PCDHA13: variants seen among roughly 807,000 people sequenced by gnomAD.
PCDHA13 encodes the protein protocadherin alpha 13.
Under a neutral mutation model 64.8 loss-of-function variants are expected in PCDHA13, and 54 were observed. That is an observed-to-expected ratio of 0.83 (90% confidence interval 0.67 to 1.04). The LOEUF (loss-of-function observed/expected upper bound fraction) is 1.04. Among genes scored for constraint, PCDHA13 ranks in the 50% least tolerant of loss-of-function variants. The pLI is 0.00. For synonymous variants in PCDHA13, 587 were observed against 564.4 expected (o/e 1.04, Z -0.57); for missense variants, 1,248 against 1,254.3 (o/e 0.99, Z 0.08).
chr5:140,967,955 A>C (rs1422637534), intron 1 of PCDHA13: 5 of 1,614,078 alleles, frequency 3.1e-6, no homozygotes, highest in Non-Finnish European at 4.2e-6. Flanking sequence ...CTCAGGCCCC[A>C]ACCGGAAAGT....
intron 1 of PCDHA13, among the ~76,000 whole-genome samples, chr5:140,937,827 G>A (rs1328688983): frequency 2.6e-5 from 4 of 151,564 alleles, no homozygotes; most frequent in Non-Finnish European, 5.9e-5. Context: ...CAGGAGAATG[G>A]CATGAACCTG....
intron 1 of PCDHA13, chr5:140,967,079 A>T: frequency 1.2e-6 from 2 of 1,613,252 alleles, no homozygotes; most frequent in South Asian, 2.2e-5. Flanking sequence ...CAACGAGCGC[A>T]TTGATCGGGA....
intron 1 of PCDHA13, among the ~76,000 whole-genome samples, chr5:140,905,904 C>T (rs2072197856): frequency 6.6e-6 from 1 of 152,160 alleles, no homozygotes; most frequent in African/African-American, 2.4e-5. Context: ...AGCTGAGGAG[C>T]AAGGAATCCA....
Position 140,883,457 on chromosome 5 carries a change from C to T in PCDHA13, c.1189C>T (p.Leu397=), listed in dbSNP as rs142331981. ...CTLTPHVPFK[L]VSTYKNYYSL... Reference sequence around the variant, plus strand: ...CTTGACGCCGCATGTCCCCTTCAAGCTGGTGTCCACCTACAAGAACTACTA... The same window carrying T: ...CTTGACGCCGCATGTCCCCTTCAAGTTGGTGTCCACCTACAAGAACTACTA... Residue 397 remains leucine, a synonymous_variant, in exon 1 of 4, where the codon CTG becomes TTG. Coordinates refer to ENST00000289272, the MANE Select transcript of PCDHA13 (RefSeq NM_018904.3). 3.6e-4 allele frequency: 576 copies of T among 1,614,196 alleles called. 4 individuals are homozygous for T. In the African/African-American group the frequency reaches 6.4e-3, roughly 18 times the overall value.
At chr5:140,923,753 T>C (rs1554201575) in intron 1 of PCDHA13, among the ~76,000 whole-genome samples, 1 of 152,174 alleles carries the variant, frequency 6.6e-6, no homozygotes. Flanking sequence ...AGGCATATGG[T>C]GGGACAAATC....
In PCDHA13 at chr5:141,010,640, G is replaced by A. The variant is rs2098417874; in HGVS notation, c.*703G>A. The A allele has an allele frequency of 5.6e-6, 1 of 179,322 alleles. No homozygotes were observed. Among genetic ancestry groups the A allele is most frequent in the South Asian group, 1.4e-4 (1 of 7,048 alleles). 11.1% of individuals were successfully genotyped at this position (179,322 alleles called of 1,614,324 possible). A position where few individuals can be genotyped will look rare whatever the true frequency, so the allele number is the denominator to read the frequency against. On this transcript the variant is annotated 3_prime_UTR_variant, in exon 4 of 4. Transcript: ENST00000289272. ...TCTGCATCATACCTGCAAGCCAACA[G>A]TTCAGTGTTTTAACAGAGAACCACC...
At chr5:140,967,057 A>T (rs1554229122) in intron 1 of PCDHA13, 1 of 1,612,704 alleles carries the variant, frequency 6.2e-7, no homozygotes, top group South Asian at 1.1e-5. Context: ...TGACGAGTGG[A>T]GCGCTCTTCG....
chr5:140,941,255 C>CTTTCTTTCTTTCTTTCTTTCTT (rs782490896), intron 1 of PCDHA13, among the ~76,000 whole-genome samples: 2 of 44,508 alleles, frequency 4.5e-5, no homozygotes, highest in African/African-American at 1.4e-4. Context: ...TTCTTTCTTT[C>CTTTCTTTCTTTCTTTCTTTCTT]TCTTTCTTTC....
rs147047116 is a variant in PCDHA13, at chr5:140,937,713, C to T, written c.2395-41236C>T. Among the ~76,000 whole-genome samples the T allele has an allele frequency of 7.0e-4, 107 of 151,998 alleles. No homozygotes were observed. The East Asian group carries it at 0.02, about 28-fold the overall frequency. On this transcript the variant is annotated intron_variant, in intron 1 of 3. Transcript: ENST00000289272. The stretch of plus-strand genomic sequence containing the variant: ...GGATCACGAGGTCAGGAGATCAAGA[C>T]CATCCTGGCTAACACGGTGAAACCC...
rs183321184 is a variant in PCDHA13 at position 140,907,756 on chromosome 5, C to G, written c.2394+23094C>G. 7.8e-3 allele frequency among the ~76,000 whole-genome samples: 1,193 copies of G among 152,264 alleles called. 22 individuals carry two copies. The highest frequency in any genetic ancestry group is 0.027 in the African/African-American group (1,101 of 41,546). On this transcript the variant is annotated intron_variant, in intron 1 of 3. Coordinates refer to ENST00000289272, the MANE Select transcript of PCDHA13 (RefSeq NM_018904.3). ...CCACCATGGCCACTTTGTTCATGGGCCCATTGGGTGATGACAGGGGTGGCT... is the reference window on the plus strand; with the variant it reads ...CCACCATGGCCACTTTGTTCATGGGGCCATTGGGTGATGACAGGGGTGGCT...
At chr5:140,919,552 T>C (rs2079193484) in intron 1 of PCDHA13, among the ~76,000 whole-genome samples, 1 of 152,224 alleles carries the variant, frequency 6.6e-6, no homozygotes, top group South Asian at 2.1e-4. Context: ...ATTTACTGAT[T>C]TATATTAAGT....
At chr5:140,888,834 C>T (rs2061995964) in intron 1 of PCDHA13, among the ~76,000 whole-genome samples, 1 of 152,080 alleles carries the variant, frequency 6.6e-6, no homozygotes, top group Non-Finnish European at 1.5e-5. Context: ...CATCACTCCA[C>T]TGCAGCCTGG....
intron 1 of PCDHA13, among the ~76,000 whole-genome samples, chr5:140,944,008 C>T (rs1253527034): frequency 1.3e-5 from 2 of 152,054 alleles, no homozygotes; most frequent in Non-Finnish European, 2.9e-5. Context: ...GAGTACCCCC[C>T]AAAAGCAATT....
At chr5:140,899,512 G>T (rs4386771) in intron 1 of PCDHA13, among the ~76,000 whole-genome samples, 1 of 152,040 alleles carries the variant, frequency 6.6e-6, no homozygotes, top group African/African-American at 2.4e-5. Flanking sequence ...TGCATATATT[G>T]CATCCCAGGG....
At chr5:140,897,120 C>G (rs116233032) in intron 1 of PCDHA13, among the ~76,000 whole-genome samples, 4 of 152,134 alleles carry the variant, frequency 2.6e-5, no homozygotes, top group African/African-American at 9.7e-5. Context: ...TCTGTCCACA[C>G]CCCACTAAAC....
intron 3 of PCDHA13, among the ~76,000 whole-genome samples, chr5:140,995,405 T>G (rs1203404732): frequency 2.6e-5 from 4 of 152,154 alleles, no homozygotes; most frequent in African/African-American, 9.7e-5. Context: ...TGGCTCGAGA[T>G]TTCATCACAT....
intron 1 of PCDHA13, chr5:140,966,338 A>C (rs2095992774): frequency 2.5e-6 from 1 of 394,586 alleles, no homozygotes; most frequent in Non-Finnish European, 4.5e-6. Flanking sequence ...CGGCAGGTCC[A>C]GGGTGAAGGA....
intron 3 of PCDHA13, among the ~76,000 whole-genome samples, chr5:140,996,257 C>G (rs186736348): frequency 1.4e-4 from 22 of 152,342 alleles, no homozygotes; most frequent in African/African-American, 5.3e-4. Flanking sequence ...GACAGCAACA[C>G]AGAGCCTGGG....
At chr5:140,895,026 A>G (rs549013601) in intron 1 of PCDHA13, among the ~76,000 whole-genome samples, 5 of 152,096 alleles carry the variant, frequency 3.3e-5, no homozygotes, top group African/African-American at 1.2e-4. Flanking sequence ...CCTTTGTTTA[A>G]TTGTCCCCCA....
Sources: gnomAD v4.1 joint callset for allele counts (sites outside exome capture counted in the v4.1 genomes callset) on GRCh38, gnomAD v4.1.1 for gene constraint, MANE v1.5 for transcripts, NCBI Gene and HGNC (gene_info 2026-07-23, HGNC 2026-07-21) for gene names.